PSMC4: variants seen among roughly 807,000 people sequenced by gnomAD.
The protein encoded by PSMC4 is proteasome 26S subunit, ATPase 4, also known as 26S proteasome regulatory subunit 6B.
PSMC4 carries 13 observed loss-of-function variants against 48.4 expected under a neutral mutation model. That is an observed-to-expected ratio of 0.27 (90% CI 0.18 to 0.43). PSMC4 has a LOEUF of 0.43. Ranked by LOEUF, PSMC4 falls within the 20% of genes least tolerant of loss-of-function variation. The pLI is 1.00. For missense variants in PSMC4, 262 were observed against 555.9 expected, an observed-to-expected ratio of 0.47 and a Z score of 5.32; for synonymous variants, 202 against 212.3, an observed-to-expected ratio of 0.95 and a Z score of 0.42.
rs764949340 is a variant in PSMC4, at chr19:39,974,692, G to A, written c.580-43G>A. On this transcript the variant is annotated intron_variant, in intron 5 of 10. Coordinates refer to ENST00000157812, the MANE Select transcript of PSMC4 (RefSeq NM_006503.4). This position sits in a 1 kb window ranked among gnomAD's most constrained non-coding sequence, Gnocchi z 5.5. ...CCCCATTGGGTCTGGGGTTGGAGGT[G>A]GAACCCCTGACTCCCACTTCTCTTC... The A allele has an allele frequency of 1.1e-5, 18 of 1,610,940 alleles. No homozygotes were observed. Among genetic ancestry groups the A allele is most frequent in the Non-Finnish European group, 1.0e-5 (12 of 1,177,328 alleles).
intron 6 of PSMC4, among the ~76,000 whole-genome samples, chr19:39,979,100 T>C (rs767509653): frequency 9.2e-5 from 14 of 152,196 alleles, no homozygotes; most frequent in East Asian, 1.9e-4. Context: ...CTGGTCCTTA[T>C]AGCAAACAGG....
At chr19:39,972,316 C>T in intron 2 of PSMC4, 53 bp from the exon 3 acceptor site, 1 of 1,610,404 alleles carries the variant, frequency 6.2e-7, no homozygotes, top group South Asian at 1.1e-5. Context: ...TTCCACCACT[C>T]TCTGGATCAG....
In PSMC4 at chr19:39,979,122, C is replaced by T. The variant is rs148744985; in HGVS notation, c.674-695C>T. 5.9e-3 allele frequency among the ~76,000 whole-genome samples: 905 copies of T among 152,294 alleles called. 1 individual carries two copies. The highest frequency in any genetic ancestry group is 0.024 in the Middle Eastern group (7 of 294). On this transcript the variant is annotated intron_variant, in intron 6 of 10. Transcript: ENST00000157812. Reference sequence around the variant, plus strand: ...TTATAGCAAACAGGAACTCAGAGCTCTTGGCGAGGCAGTATGATGTCTTAG... The same window carrying T: ...TTATAGCAAACAGGAACTCAGAGCTTTTGGCGAGGCAGTATGATGTCTTAG...
intron 6 of PSMC4, among the ~76,000 whole-genome samples, chr19:39,977,705 C>T (rs1195041024): frequency 6.6e-6 from 1 of 151,930 alleles, no homozygotes; most frequent in East Asian, 1.9e-4. Context: ...GCCTGTAATC[C>T]CAGCTACTCG....
chr19:39,976,512 C>CTTT (rs561360469), intron 6 of PSMC4, among the ~76,000 whole-genome samples: 3 of 131,124 alleles, frequency 2.3e-5, no homozygotes, highest in South Asian at 2.5e-4. Flanking sequence ...CGTAAAGTTT[C>CTTT]TTTTTTTTTT....
intron 6 of PSMC4, chr19:39,979,581 C>A: frequency 5.9e-6 from 2 of 341,752 alleles, no homozygotes; most frequent in Non-Finnish European, 5.2e-6. Flanking sequence ...AAAAAAGTGA[C>A]ACATTTGTAA....
Position 39,971,256 on chromosome 19 carries a change from G to T in PSMC4, c.36+18G>T, listed in dbSNP as rs751136915. On this transcript the variant is annotated intron_variant, in intron 1 of 10. Coordinates refer to ENST00000157812, the MANE Select transcript of PSMC4 (RefSeq NM_006503.4). The stretch of plus-strand genomic sequence containing the variant: ...AGGCTCAGGTACAGTGGGGACTTGG[G>T]CTTTTTAGTCCGGGCCGGGCTCGCG... 1 of 1,614,098 alleles carries T rather than the reference G, an allele frequency of 6.2e-7. No individual in the cohort carries two copies. The highest frequency in any genetic ancestry group is 8.5e-7 in the Non-Finnish European group (1 of 1,179,970).
chr19:39,975,553 T>C (rs2144614497), intron 6 of PSMC4, among the ~76,000 whole-genome samples: 1 of 152,294 alleles, frequency 6.6e-6, no homozygotes, highest in East Asian at 1.9e-4. Context: ...AGGTAGTAGT[T>C]AAGCAGTATG....
chr19:39,978,517 T>C (rs901373268), intron 6 of PSMC4, among the ~76,000 whole-genome samples: 1 of 152,118 alleles, frequency 6.6e-6, no homozygotes, highest in African/African-American at 2.4e-5. Context: ...GAGGGACCCC[T>C]TGAGCCAGGT....
Position 39,980,747 on chromosome 19 carries a change from C to A in PSMC4, c.1143+30C>A, listed in dbSNP as rs1220234538. The A allele has an allele frequency of 6.2e-7, 1 of 1,607,082 alleles. No homozygotes were observed. Among genetic ancestry groups the A allele is most frequent in the African/African-American group, 1.3e-5 (1 of 74,870 alleles). ...GTGGTGGTTTCTCTCTGGATCCAGG[C>A]AGCGGGTGTGTGAGGACCCTTCTTC... On this transcript the variant is annotated intron_variant, in intron 10 of 10. Coordinates refer to ENST00000157812, the MANE Select transcript of PSMC4 (RefSeq NM_006503.4). The surrounding 1 kb of genome is among the most constrained non-coding windows in gnomAD (Gnocchi z 4.8).
rs746057682 is a variant in PSMC4, at chr19:39,971,233, G to T, written c.31G>T (p.Ala11Ser). 1.2e-6 allele frequency: 2 copies of T among 1,614,210 alleles called. No homozygotes were observed. The highest frequency in any genetic ancestry group is 2.2e-5 in the East Asian group (1 of 44,880). Residue 11 changes from alanine (A) to serine (S), a missense_variant, in exon 1 of 11, where the codon GCT (alanine) becomes TCT (serine). Ala to Ser is a moderately conservative substitution (Grantham distance 99). This residue lies in a region of PSMC4 where 33 missense variants were observed against 35.5 expected (regional missense o/e 0.93). Transcript: ENST00000157812. ...GGAGATAGGCATCTTGGTGGAGAAG[G>T]CTCAGGTACAGTGGGGACTTGGGCT... MEEIGILVEK[A>S]QDEIPALSVS...
At chr19:39,972,813 T>G (rs901953053) in intron 3 of PSMC4, among the ~76,000 whole-genome samples, 1 of 152,054 alleles carries the variant, frequency 6.6e-6, no homozygotes, top group Non-Finnish European at 1.5e-5. Flanking sequence ...TGGCATGATC[T>G]CGGCTCACTG....
At chr19:39,971,772 A>G (rs1486665750) in intron 1 of PSMC4, among the ~76,000 whole-genome samples, 1 of 152,134 alleles carries the variant, frequency 6.6e-6, no homozygotes, top group Non-Finnish European at 1.5e-5. Context: ...TTGAAGGCGC[A>G]GTCACTTTAA....
At position 39,974,251 on chromosome 19, in the gene PSMC4, T is replaced by G. The variant is rs373714946; in HGVS notation, c.323-43T>G. 1.5e-5 allele frequency: 24 copies of G among 1,607,628 alleles called. No individual in the cohort carries two copies. The highest frequency in any genetic ancestry group is 2.0e-5 in the Non-Finnish European group (23 of 1,176,054). On this transcript the variant is annotated intron_variant, in intron 3 of 10. Transcript: ENST00000157812. This position sits in a 1 kb window ranked among gnomAD's most constrained non-coding sequence, Gnocchi z 5.5. ...GAGGGAGGAAGGGGGAAGGGGCAGT[T>G]TCCAGGCTGACACTTCTCGTTTTCC...
intron 6 of PSMC4, among the ~76,000 whole-genome samples, chr19:39,975,606 C>A (rs1422225023): frequency 6.6e-6 from 1 of 152,156 alleles, no homozygotes; most frequent in Non-Finnish European, 1.5e-5. Flanking sequence ...CTTACTCCCC[C>A]AGCAACTTCT....
At position 39,981,285 on chromosome 19, in the gene PSMC4, G is replaced by A; in HGVS notation, c.1237G>A (p.Glu413Lys). 1 of 1,613,926 alleles carries A rather than the reference G, an allele frequency of 6.2e-7. No individual in the cohort carries two copies. The highest frequency in any genetic ancestry group is 8.5e-7 in the Non-Finnish European group (1 of 1,179,852). Residue 413 changes from glutamate to lysine, a missense_variant, in exon 11 of 11, where the codon GAG (glutamate) becomes AAG (lysine). Around this residue, in one of 4 missense-constraint regions of PSMC4, gnomAD observed 84 missense variants for 157.8 expected, o/e 0.53. Coordinates refer to ENST00000157812, the MANE Select transcript of PSMC4 (RefSeq NM_006503.4). The stretch of plus-strand genomic sequence containing the variant: ...GACTGTCATCAAGAAGGACGAGCAG[G>A]AGCATGAGTTTTACAAGTGACCCTT... Reference protein sequence around the residue: ...YKTVIKKDEQEHEFYK With the variant: ...YKTVIKKDEQKHEFYK
intron 6 of PSMC4, among the ~76,000 whole-genome samples, chr19:39,978,616 A>G (rs1005758707): frequency 6.6e-6 from 1 of 152,138 alleles, no homozygotes; most frequent in African/African-American, 2.4e-5. Context: ...CAGTCTATCT[A>G]TGGACTGCAT....
chr19:39,980,260 T>C lies in PSMC4; in HGVS notation c.919-26T>C. On this transcript the variant is annotated intron_variant, in intron 8 of 10. Transcript: ENST00000157812. This position sits in a 1 kb window ranked among gnomAD's most constrained non-coding sequence, Gnocchi z 4.8. ...GGAAGGAGGTAGGAGTGCAGAGATCTGAGCTGGCCTGCCCCCCAATGTCAG... is the reference window on the plus strand; with the variant it reads ...GGAAGGAGGTAGGAGTGCAGAGATCCGAGCTGGCCTGCCCCCCAATGTCAG... 1 of 1,613,742 alleles carries C rather than the reference T, an allele frequency of 6.2e-7. No homozygotes were observed. Among genetic ancestry groups the C allele is most frequent in the Non-Finnish European group, 8.5e-7 (1 of 1,179,854 alleles).
rs111457752 is a variant in PSMC4, at chr19:39,975,468, C to CT, written c.673+652dup. Among the ~76,000 whole-genome samples, 307 of 147,254 alleles carry CT rather than the reference C, an allele frequency of 2.1e-3. 1 individual carries two copies. The highest frequency in any genetic ancestry group is 6.8e-3 in the African/African-American group (277 of 40,620). ...TGTCTGAAAGTCACTCACTCTATAA[C>CT]TTTTTTTTTTTTAAAGCCCTAAAAT... On this transcript the variant is annotated intron_variant, in intron 6 of 10. Transcript: ENST00000157812.
Sources: gnomAD v4.1 joint callset for allele counts (sites outside exome capture counted in the v4.1 genomes callset) on GRCh38, gnomAD v4.1.1 for gene constraint, gnomAD v4.1.1 regional missense constraint, Gnocchi (gnomAD v3.1) non-coding constraint, MANE v1.5 for transcripts, NCBI Gene and HGNC (gene_info 2026-07-23, HGNC 2026-07-21) for gene names.